Variants in NUBPL observed in about 807,000 individuals in gnomAD.
NUBPL encodes the protein iron-sulfur cluster transfer protein NUBPL.
In NUBPL, 31 loss-of-function variants were observed where a neutral mutation model predicts 45.7. The ratio of observed to expected loss-of-function variants is 0.68; its 90% CI spans 0.51 to 0.92. The LOEUF (loss-of-function observed/expected upper bound fraction) is 0.92. Among genes scored for constraint, NUBPL ranks in the 40% least tolerant of loss-of-function variants. The pLI, the probability that NUBPL is intolerant of heterozygous loss-of-function variation, is 0.00. For missense variants in NUBPL, 401 were observed against 398.7 expected (o/e 1.01, Z -0.05); for synonymous variants, 144 against 140.9 (o/e 1.02, Z -0.15).
At chr14:31,659,919 T>C (rs1180883567) in intron 4 of NUBPL, among the ~76,000 whole-genome samples, 1 of 152,148 alleles carries the variant, frequency 6.6e-6, no homozygotes, top group Admixed American at 6.5e-5. Context: ...AAAGGAAAGA[T>C]ATGCCTGAAT....
chr14:31,683,649 C>A (rs1167663751), intron 6 of NUBPL, among the ~76,000 whole-genome samples: 1 of 152,144 alleles, frequency 6.6e-6, no homozygotes, highest in Non-Finnish European at 1.5e-5. Context: ...CCGCGCCCGG[C>A]TGCCAAAACA....
At chr14:31,686,978 G>T (rs1188561212) in intron 6 of NUBPL, among the ~76,000 whole-genome samples, 1 of 152,230 alleles carries the variant, frequency 6.6e-6, no homozygotes, top group Non-Finnish European at 1.5e-5. Context: ...GCTGGGCATG[G>T]TTGCATGTAC....
rs1458665246 is a variant in NUBPL at position 31,795,314 on chromosome 14, A to C, written c.607+7441A>C. ...GGGGATGGCATTGAATCTGTAAATT[A>C]CCTTGGGCAGTATGGCCATTTTCAC... On this transcript the variant is annotated intron_variant, in intron 7 of 10. Transcript: ENST00000281081. Among the ~76,000 whole-genome samples the C allele has an allele frequency of 8.5e-3, 1,156 of 136,514 alleles. 10 individuals are homozygous for C. The highest frequency in any genetic ancestry group is 0.032 in the African/African-American group (1,110 of 35,004). The allele number at this position is 136,514 out of a possible 152,430, so 89.6% of individuals were successfully genotyped here. A position where few individuals can be genotyped will look rare whatever the true frequency, so the allele number is the denominator to read the frequency against.
At chr14:31,799,370 A>G (rs1311240910) in intron 7 of NUBPL, among the ~76,000 whole-genome samples, 1 of 152,216 alleles carries the variant, frequency 6.6e-6, no homozygotes, top group Non-Finnish European at 1.5e-5. Flanking sequence ...GTAAGGGTAG[A>G]TAATCAGAAA....
At chr14:31,660,635 T>G (rs1343594174) in intron 4 of NUBPL, among the ~76,000 whole-genome samples, 1 of 152,212 alleles carries the variant, frequency 6.6e-6, no homozygotes, top group Admixed American at 6.5e-5. Flanking sequence ...TGAGGTTGTA[T>G]ATTCTTGATT....
At chr14:31,575,219 G>A (rs2033688708) in intron 3 of NUBPL, among the ~76,000 whole-genome samples, 1 of 152,112 alleles carries the variant, frequency 6.6e-6, no homozygotes, top group Non-Finnish European at 1.5e-5. Context: ...CTAAGAAATT[G>A]TAATTCAAGA....
chr14:31,829,683 A>G (rs73259015), intron 8 of NUBPL, among the ~76,000 whole-genome samples: 8,513 of 152,178 alleles, frequency 0.056, 680 homozygotes, highest in African/African-American at 0.18. Flanking sequence ...TTTGACGTGC[A>G]TTAGTTACCA....
At chr14:31,798,750 C>G (rs2039520166) in intron 7 of NUBPL, among the ~76,000 whole-genome samples, 1 of 133,548 alleles carries the variant, frequency 7.5e-6, no homozygotes, top group African/African-American at 2.8e-5. Context: ...GGAGATCATG[C>G]CACTGCACTC....
intron 7 of NUBPL, among the ~76,000 whole-genome samples, chr14:31,820,711 C>T (rs1284064723): frequency 6.6e-6 from 1 of 151,564 alleles, no homozygotes; most frequent in African/African-American, 2.4e-5. Flanking sequence ...GTAATCCCAG[C>T]TACTCAGGAG....
At chr14:31,620,080 T>C (rs1483476776) in intron 4 of NUBPL, among the ~76,000 whole-genome samples, 1 of 151,964 alleles carries the variant, frequency 6.6e-6, no homozygotes, top group Non-Finnish European at 1.5e-5. Flanking sequence ...AATTCAGCTA[T>C]TGATACTTGT....
At chr14:31,596,496 G>A (rs570956739) in intron 3 of NUBPL, among the ~76,000 whole-genome samples, 8 of 152,118 alleles carry the variant, frequency 5.3e-5, no homozygotes, top group South Asian at 2.1e-4. Context: ...GCCGTTTTTT[G>A]TGAAGTTTTA....
At chr14:31,700,614 A>G (rs1207500246) in intron 6 of NUBPL, among the ~76,000 whole-genome samples, 1 of 152,126 alleles carries the variant, frequency 6.6e-6, no homozygotes, top group Non-Finnish European at 1.5e-5. Flanking sequence ...GGGTGGGCGC[A>G]GGCTCGGCGG....
chr14:31,573,679 A>G (rs2033646603), intron 3 of NUBPL, among the ~76,000 whole-genome samples: 1 of 152,096 alleles, frequency 6.6e-6, no homozygotes, highest in African/African-American at 2.4e-5. Flanking sequence ...TTCATTCCTT[A>G]ATGCCACTGC....
At chr14:31,846,015 G>A (rs61628086) in intron 8 of NUBPL, 5,343 of 206,596 alleles carry the variant, frequency 0.026, 226 homozygotes, top group African/African-American at 0.099. Context: ...ATCTTCCCAC[G>A]TGGCCCTAGC....
intron 4 of NUBPL, among the ~76,000 whole-genome samples, chr14:31,659,205 T>C (rs963521355): frequency 1.3e-5 from 2 of 152,250 alleles, no homozygotes; most frequent in African/African-American, 4.8e-5. Flanking sequence ...TTTGTGACTA[T>C]GTGATGTAAC....
chr14:31,644,787 C>T (rs571320198), intron 4 of NUBPL, among the ~76,000 whole-genome samples: 3 of 152,126 alleles, frequency 2.0e-5, no homozygotes, highest in African/African-American at 7.2e-5. Flanking sequence ...TCTGTCTCTT[C>T]CTTTAGATCT....
intron 7 of NUBPL, among the ~76,000 whole-genome samples, chr14:31,823,455 A>G (rs958617653): frequency 6.6e-6 from 1 of 152,152 alleles, no homozygotes; most frequent in African/African-American, 2.4e-5. Context: ...AACACCCTAC[A>G]TACTAATATA....
In NUBPL at chr14:31,565,025, C is replaced by T; in HGVS notation, c.268C>T (p.Leu90Phe). ...TTTGTTTCTTACAGTGAATCTTGCA[C>T]TTGCACTAGCAGCGAACGATTCGGT... ...GKSTTAVNLA[L>F]ALAANDSSKA... The change falls in exon 3 of 11, where the codon CTT becomes TTT. Residue 90 changes from leucine to phenylalanine, a missense_variant. Leu to Phe is a conservative substitution (Grantham distance 22). Transcript: ENST00000281081. The T allele has an allele frequency of 4.5e-6, 7 of 1,557,650 alleles. No individual in the cohort carries two copies. The highest frequency in any genetic ancestry group is 1.2e-5 in the South Asian group (1 of 83,452).
intron 7 of NUBPL, among the ~76,000 whole-genome samples, chr14:31,808,396 G>A (rs2039732702): frequency 6.6e-6 from 1 of 152,152 alleles, no homozygotes; most frequent in Admixed American, 6.5e-5. Context: ...TTGTGAATGG[G>A]ATTCACTCAC....
Sources: allele counts gnomAD v4.1 joint callset (sites outside exome capture counted in the v4.1 genomes callset), GRCh38; gene constraint gnomAD v4.1.1; transcripts MANE v1.5; gene names NCBI Gene and HGNC (gene_info 2026-07-23, HGNC 2026-07-21).